SCN10A: variants seen among roughly 807,000 people sequenced by gnomAD.
SCN10A encodes sodium channel protein type 10 subunit alpha.
In SCN10A, 162 loss-of-function variants were observed where a neutral mutation model predicts 170.7. That is an observed-to-expected ratio of 0.95 (90% CI 0.84 to 1.08). SCN10A has a LOEUF of 1.08. SCN10A is among the 50% of genes least tolerant of loss of function. SCN10A has a pLI of 0.00. For missense variants in SCN10A, 2,527 were observed against 2,436.9 expected, an observed-to-expected ratio of 1.04 and a Z score of -0.78; for synonymous variants, 985 against 904.6, an observed-to-expected ratio of 1.09 and a Z score of -1.59.
intron 13 of SCN10A, among the ~76,000 whole-genome samples, chr3:38,745,245 C>G (rs907465345): frequency 2.0e-5 from 3 of 152,126 alleles, no homozygotes; most frequent in Non-Finnish European, 4.4e-5. Context: ...ATGGCCCCAC[C>G]TCAAAAGGAT....
chr3:38,774,613 C>A (rs977241593), intron 4 of SCN10A, among the ~76,000 whole-genome samples: 7 of 152,272 alleles, frequency 4.6e-5, no homozygotes, highest in African/African-American at 1.7e-4. Flanking sequence ...TGTTACAAAT[C>A]CCGATATTCA....
At chr3:38,793,598 A>C in intron 2 of SCN10A, 143 bp downstream of exon 2, 1 of 674,550 alleles carries the variant, frequency 1.5e-6, no homozygotes. Flanking sequence ...TTAGAGATAT[A>C]TATATATATT....
intron 21 of SCN10A, among the ~76,000 whole-genome samples, chr3:38,716,773 A>G (rs1396451928): frequency 2.6e-5 from 4 of 152,228 alleles, no homozygotes; most frequent in African/African-American, 9.6e-5. Context: ...TAAGAGAAGG[A>G]TGGATGGCTG....
intron 1 of SCN10A, among the ~76,000 whole-genome samples, chr3:38,798,889 A>G (rs1253280663): frequency 7.0e-6 from 1 of 142,464 alleles, no homozygotes; most frequent in Non-Finnish European, 1.5e-5. Context: ...TCCCATGTTC[A>G]AGTGATCCTC....
Position 38,697,352 on chromosome 3 carries a change from G to A in SCN10A, c.5868C>T (p.Pro1956=), listed in dbSNP as rs781688312. 1 of 1,613,104 alleles carries A rather than the reference G, an allele frequency of 6.2e-7. No individual in the cohort carries two copies. Among genetic ancestry groups the A allele is most frequent in the Non-Finnish European group, 8.5e-7 (1 of 1,179,200 alleles). Residue 1956 remains proline, a synonymous_variant, in exon 28 of 28, where the codon CCC becomes CCT. Coordinates refer to ENST00000449082, the MANE Select transcript of SCN10A (RefSeq NM_006514.4). ...TATCCAGGCTGGAGTGTTCTCACTA[G>A]GGCCCAGGGGCAATCAGCTCCATAC... is the stretch of plus-strand genomic sequence containing the variant. ...ATSMELIAPG[P] is the part of the protein sequence containing the mutation.
chr3:38,787,938 T>C (rs908539236), intron 4 of SCN10A, among the ~76,000 whole-genome samples: 1 of 151,810 alleles, frequency 6.6e-6, no homozygotes, highest in Non-Finnish European at 1.5e-5. Context: ...GTTCTTGTGT[T>C]AGTTTGCTGA....
In SCN10A at chr3:38,723,572, G is replaced by A. The variant is rs2063419025; in HGVS notation, c.3229-19C>T. On this transcript the variant is annotated intron_variant, in intron 18 of 27. Coordinates refer to ENST00000449082, the MANE Select transcript of SCN10A (RefSeq NM_006514.4). Reference sequence around the variant, plus strand: ...CCACTCCCTGCAGGGGAGAAGCCCAGGGCAGTGAACTCGTCTCTCCGCGGG... The same window carrying A: ...CCACTCCCTGCAGGGGAGAAGCCCAAGGCAGTGAACTCGTCTCTCCGCGGG... The A allele has an allele frequency of 1.9e-6, 3 of 1,570,334 alleles. No homozygotes were observed. The highest frequency in any genetic ancestry group is 2.6e-6 in the Non-Finnish European group (3 of 1,156,916).
intron 11 of SCN10A, 26 bp from the exon 12 acceptor site, chr3:38,752,538 A>T (rs775119800): frequency 6.6e-7 from 1 of 1,514,412 alleles, no homozygotes; most frequent in African/African-American, 1.4e-5. Flanking sequence ...AAGGAGCAAG[A>T]AGGCTGGAAA....
intron 18 of SCN10A, 91 bp downstream of exon 18, chr3:38,725,083 C>A: frequency 1.6e-6 from 2 of 1,283,050 alleles, no homozygotes; most frequent in South Asian, 1.8e-5. Context: ...TCTGGAATAC[C>A]CCACCTTCAC....
At chr3:38,772,742 A>C (rs4420805) in intron 4 of SCN10A, among the ~76,000 whole-genome samples, 35,944 of 147,456 alleles carry the variant, frequency 0.24, 5,207 homozygotes, top group Middle Eastern at 0.32. Context: ...AAAACAAAAA[A>C]AAAAAAACCT....
chr3:38,709,753 T>A, intron 24 of SCN10A, 138 bp from the exon 25 acceptor site: 1 of 726,396 alleles, frequency 1.4e-6, no homozygotes, highest in South Asian at 2.5e-5. Context: ...AATGAGGGAG[T>A]GGGGAAGAAT....
intron 1 of SCN10A, among the ~76,000 whole-genome samples, chr3:38,813,561 G>A (rs1376075797): frequency 6.6e-6 from 1 of 152,142 alleles, no homozygotes; most frequent in Non-Finnish European, 1.5e-5. Context: ...TGATGAAACG[G>A]ACCCTAACCA....
At chr3:38,727,434 C>A (rs1325744595) in intron 16 of SCN10A, among the ~76,000 whole-genome samples, 1 of 152,202 alleles carries the variant, frequency 6.6e-6, no homozygotes, top group Non-Finnish European at 1.5e-5. Context: ...GCTTCCAGTT[C>A]TTCACTTGAG....
chr3:38,713,298 G>A (rs934138746), intron 22 of SCN10A, among the ~76,000 whole-genome samples: 1 of 152,160 alleles, frequency 6.6e-6, no homozygotes, highest in African/African-American at 2.4e-5. Context: ...GTAATGAGCT[G>A]ATGATGTCAC....
intron 10 of SCN10A, 90 bp downstream of exon 10, chr3:38,756,584 C>T (rs377714367): frequency 8.3e-5 from 85 of 1,020,706 alleles, no homozygotes; most frequent in South Asian, 5.9e-4. Flanking sequence ...GCTCCCTAAA[C>T]GGTGCCCTAA....
At position 38,709,544 on chromosome 3, in the gene SCN10A, T is replaced by G; in HGVS notation, c.4215A>C (p.Gly1405=). 6.2e-7 allele frequency: 1 copy of G among 1,613,180 alleles called. No homozygotes were observed. Among genetic ancestry groups the G allele is most frequent in the Non-Finnish European group, 8.5e-7 (1 of 1,179,598 alleles). The part of the protein sequence containing the change: ...YLYFVIFIIF[G]GFFTLNLFVG... ...CAAAGAGATTCAGTGTGAAGAAGCC[T>G]CCAAAAATGATGAAGATGACAAAGT... is the stretch of plus-strand genomic sequence containing the variant. Residue 1405 remains glycine, a synonymous_variant, in exon 25 of 28, where the codon GGA becomes GGC. Transcript: ENST00000449082.
At chr3:38,779,091 A>G (rs1055134227) in intron 4 of SCN10A, among the ~76,000 whole-genome samples, 2 of 83,190 alleles carry the variant, frequency 2.4e-5, no homozygotes, top group Non-Finnish European at 5.2e-5. Flanking sequence ...ACTTCTAGAA[A>G]TTCATCCTTA....
At position 38,771,408 on chromosome 3, in the gene SCN10A, C is replaced by T; in HGVS notation, c.471-1G>A. 1 of 1,613,676 alleles carries T rather than the reference C, an allele frequency of 6.2e-7. No homozygotes were observed. Among genetic ancestry groups the T allele is most frequent in the Non-Finnish European group, 8.5e-7 (1 of 1,179,742 alleles). ...GGTGTAAATGACAGTGAAGACATATCTGGGAAGGAGGGTAGAAAAGGAGTG... is the reference window on the plus strand; with the variant it reads ...GGTGTAAATGACAGTGAAGACATATTTGGGAAGGAGGGTAGAAAAGGAGTG... On this transcript the variant is annotated splice_acceptor_variant, in intron 4 of 27. Coordinates refer to ENST00000449082, the MANE Select transcript of SCN10A (RefSeq NM_006514.4). LOFTEE classifies it high-confidence loss of function.
At chr3:38,709,692 C>G (rs1292466657) in intron 24 of SCN10A, 77 bp from the exon 25 acceptor site, 1 of 1,340,924 alleles carries the variant, frequency 7.5e-7, no homozygotes, top group African/African-American at 1.5e-5. Context: ...AAGCCTAAGA[C>G]ATGGACCTGG....
Sources: gnomAD v4.1 joint callset for allele counts (sites outside exome capture counted in the v4.1 genomes callset) on GRCh38, gnomAD v4.1.1 for gene constraint, MANE v1.5 for transcripts, NCBI Gene and HGNC (gene_info 2026-07-23, HGNC 2026-07-21) for gene names.